VIL1: variants seen among roughly 807,000 people sequenced by gnomAD.
The protein encoded by VIL1 is villin 1.
In VIL1, 86 loss-of-function variants were observed where a neutral mutation model predicts 104.0. That is an observed-to-expected ratio of 0.83 (90% CI 0.69 to 0.99). The LOEUF is 0.99. Ranked by LOEUF, VIL1 falls within the 50% of genes least tolerant of loss-of-function variation. The pLI, the probability that VIL1 is intolerant of heterozygous loss-of-function variation, is 0.00. For missense variants in VIL1, 944 were observed against 1,054.1 expected (o/e 0.90, Z 1.45); for synonymous variants, 394 against 412.6 (o/e 0.95, Z 0.55).
intron 19 of VIL1, 40 bp downstream of exon 19, chr2:218,440,902 G>A: frequency 6.2e-7 from 1 of 1,610,870 alleles, no homozygotes; most frequent in Non-Finnish European, 8.5e-7. Context: ...AAGTCCATTT[G>A]TTGGACCACC....
chr2:218,434,455 T>A, intron 13 of VIL1, 71 bp from the exon 14 acceptor site: 1 of 1,457,296 alleles, frequency 6.9e-7, no homozygotes. Flanking sequence ...CCTATCCCCC[T>A]CTGTTCCCCA....
intron 2 of VIL1, 86 bp downstream of exon 2, chr2:218,423,939 G>C (rs1398157893): frequency 6.7e-7 from 1 of 1,483,902 alleles, no homozygotes; most frequent in East Asian, 2.3e-5. Flanking sequence ...ATTTCTCTTC[G>C]TTTCCTCTGC....
intron 4 of VIL1, among the ~76,000 whole-genome samples, chr2:218,426,193 C>T (rs1688978975): frequency 6.6e-6 from 1 of 152,166 alleles, no homozygotes; most frequent in South Asian, 2.1e-4. Context: ...GGGCAAATGG[C>T]TGCTCCCCCA....
intron 16 of VIL1, among the ~76,000 whole-genome samples, chr2:218,436,913 A>C (rs1252900319): frequency 2.0e-5 from 3 of 152,190 alleles, no homozygotes; most frequent in Admixed American, 6.5e-5. Context: ...GGAGACACAC[A>C]TTTGCAGAAT....
intron 2 of VIL1, 146 bp downstream of exon 2, chr2:218,423,999 C>T: frequency 1.1e-6 from 1 of 876,472 alleles, no homozygotes; most frequent in South Asian, 1.6e-5. Context: ...CCGCATCATC[C>T]ACACCCCGGC....
At chr2:218,444,361 G>C (rs1689331120) in intron 19 of VIL1, among the ~76,000 whole-genome samples, 1 of 151,202 alleles carries the variant, frequency 6.6e-6, no homozygotes, top group Non-Finnish European at 1.5e-5. Context: ...TTCACTGCAA[G>C]CTCTGCCTCC....
chr2:218,446,218 G>A (rs1378360665), intron 19 of VIL1, among the ~76,000 whole-genome samples: 1 of 152,090 alleles, frequency 6.6e-6, no homozygotes, highest in Non-Finnish European at 1.5e-5. Flanking sequence ...AAAAACTGAT[G>A]AGGATTAACA....
rs1689495730 is a variant in VIL1 at position 218,451,993 on chromosome 2, C to A, written c.*2657C>A. 1.3e-5 allele frequency: 2 copies of A among 152,594 alleles called. No homozygotes were observed. Among genetic ancestry groups the A allele is most frequent in the Admixed American group, 1.3e-4 (2 of 15,264 alleles). 9.5% of individuals were successfully genotyped at this position (152,594 alleles called of 1,614,324 possible). On this transcript the variant is annotated 3_prime_UTR_variant, in exon 20 of 20. Coordinates refer to ENST00000248444, the MANE Select transcript of VIL1 (RefSeq NM_007127.3). ...TGTGAATATATCCCTACGAAACAGT[C>A]TATCTTCTCATAGGCTTAAATTATA...
intron 4 of VIL1, among the ~76,000 whole-genome samples, chr2:218,427,419 G>A (rs1021519277): frequency 6.6e-6 from 1 of 151,702 alleles, no homozygotes; most frequent in African/African-American, 2.4e-5. Flanking sequence ...CCGCCTCCTG[G>A]GTTCAAGCAA....
chr2:218,440,662 C>T (rs947203535), intron 18 of VIL1, 60 bp from the exon 19 acceptor site: 21 of 1,605,110 alleles, frequency 1.3e-5, no homozygotes, highest in Non-Finnish European at 1.8e-5. Context: ...GAGAGAAAGG[C>T]AGCCTGGGAG....
In VIL1 at chr2:218,434,568, A is replaced by G; in HGVS notation, c.1543A>G (p.Thr515Ala). 6.2e-7 allele frequency: 1 copy of G among 1,614,058 alleles called. No individual in the cohort carries two copies. Among genetic ancestry groups the G allele is most frequent in the Non-Finnish European group, 8.5e-7 (1 of 1,179,982 alleles). The change falls in exon 14 of 20, where the codon ACA (threonine) becomes GCA (alanine). Residue 515 changes from threonine to alanine, a missense_variant. By Grantham distance (58) the Thr-to-Ala change is moderately conservative. Coordinates refer to ENST00000248444, the MANE Select transcript of VIL1 (RefSeq NM_007127.3). ...TAACAACTTGGAGACCGGGCCCTCC[A>G]CACGGCTGTTCCAGGTCCAGGGAAC... ...RTNNLETGPSTRLFQVQGTGA... is the reference protein window; with the variant it reads ...RTNNLETGPSARLFQVQGTGA...
At chr2:218,432,553 G>A (rs1223867179) in intron 12 of VIL1, 2 of 725,328 alleles carry the variant, frequency 2.8e-6, no homozygotes, top group Admixed American at 4.0e-5. Flanking sequence ...GGTTAAGGCT[G>A]GGGTTGCAGG....
intron 9 of VIL1, 21 bp downstream of exon 9, chr2:218,429,968 G>A: frequency 1.3e-6 from 2 of 1,565,336 alleles, no homozygotes; most frequent in Non-Finnish European, 1.8e-6. Flanking sequence ...GGGCGGGGGA[G>A]GGTCCAGGAG....
chr2:218,436,775 GA>G, intron 16 of VIL1, 149 bp downstream of exon 16: 1 of 1,070,510 alleles, frequency 9.3e-7, no homozygotes, highest in Non-Finnish European at 1.3e-6. Context: ...AGAAGTGTAA[GA>G]AAGAAGGAAG....
Position 218,449,266 on chromosome 2 carries a change from C to T in VIL1, c.2414C>T (p.Thr805Ile), listed in dbSNP as rs1279666989. The part of the protein sequence containing the change: ...IEDFTQAFGM[T>I]PAAFSALPRW... ...GATTTCACTCAGGCCTTTGGGATGA[C>T]TCCAGCTGCCTTCTCTGCTCTGCCT... The change falls in exon 20 of 20, where the codon ACT becomes ATT. Residue 805 changes from threonine to isoleucine, a missense_variant. Thr to Ile is a moderately conservative substitution (Grantham distance 89). Coordinates refer to ENST00000248444, the MANE Select transcript of VIL1 (RefSeq NM_007127.3). 1 of 1,614,084 alleles carries T rather than the reference C, an allele frequency of 6.2e-7. No homozygotes were observed. The highest frequency in any genetic ancestry group is 8.5e-7 in the Non-Finnish European group (1 of 1,179,962).
Position 218,429,276 on chromosome 2 carries a change from T to G in VIL1, c.568-9T>G. 1 of 1,607,930 alleles carries G rather than the reference T, an allele frequency of 6.2e-7. No homozygotes were observed. On this transcript the variant is annotated splice_polypyrimidine_tract_variant and intron_variant, in intron 6 of 19. Coordinates refer to ENST00000248444, the MANE Select transcript of VIL1 (RefSeq NM_007127.3). ...TACTCCCGATGGGTCACCAGGGGCCTTCCTGCAGGGCATGACTCTGGCCAA... is the reference window on the plus strand; with the variant it reads ...TACTCCCGATGGGTCACCAGGGGCCGTCCTGCAGGGCATGACTCTGGCCAA...
chr2:218,427,883 C>G (rs1050397184), intron 4 of VIL1, 82 bp from the exon 5 acceptor site: 3 of 1,345,200 alleles, frequency 2.2e-6, no homozygotes, highest in African/African-American at 1.4e-5. Flanking sequence ...GTGACCCCAG[C>G]GTGGCAGCCA....
Position 218,449,093 on chromosome 2 carries a change from T to C in VIL1, c.2371-130T>C, listed in dbSNP as rs1689421136. 3 of 707,430 alleles carry C rather than the reference T, an allele frequency of 4.2e-6. No homozygotes were observed. The South Asian group carries it at 4.7e-5, about 11-fold the overall frequency. The allele number at this position is 707,430 out of a possible 1,614,324, so 43.8% of individuals were successfully genotyped here. A position where few individuals can be genotyped will look rare whatever the true frequency, so the allele number is the denominator to read the frequency against. On this transcript the variant is annotated intron_variant, in intron 19 of 19. Transcript: ENST00000248444. ...ATCCCTTTCCTGGCTCTCCTGACACTGCTTCTGTTTACTCTTCATTTATTT... is the reference window on the plus strand; with the variant it reads ...ATCCCTTTCCTGGCTCTCCTGACACCGCTTCTGTTTACTCTTCATTTATTT...
At position 218,429,298 on chromosome 2, in the gene VIL1, C is replaced by T; in HGVS notation, c.581C>T (p.Ala194Val). The T allele has an allele frequency of 6.2e-7, 1 of 1,613,016 alleles. No individual in the cohort carries two copies. Among genetic ancestry groups the T allele is most frequent in the Non-Finnish European group, 8.5e-7 (1 of 1,179,420 alleles). ...GCCTTCCTGCAGGGCATGACTCTGG[C>T]CAAGGAGATCCGAGACCAGGAGCGG... ...RMERLRGMTL[A>V]KEIRDQERGG... Residue 194 changes from alanine to valine, a missense_variant, in exon 7 of 20, where the codon GCC (alanine) becomes GTC (valine). By Grantham distance (64) the Ala-to-Val change is moderately conservative (BLOSUM62 0). Transcript: ENST00000248444.
Sources: allele counts gnomAD v4.1 joint callset (sites outside exome capture counted in the v4.1 genomes callset), GRCh38; gene constraint gnomAD v4.1.1; transcripts MANE v1.5; gene names NCBI Gene and HGNC (gene_info 2026-07-23, HGNC 2026-07-21).